IRAG1: variants seen among roughly 807,000 people sequenced by gnomAD.
IRAG1 encodes inositol 1,4,5-triphosphate receptor associated 1.
Under a neutral mutation model 106.2 loss-of-function variants are expected in IRAG1, and 62 were observed. The ratio of observed to expected loss-of-function variants is 0.58; its 90% CI spans 0.48 to 0.72. IRAG1 has a LOEUF of 0.72. Among genes scored for constraint, IRAG1 ranks in the 30% least tolerant of loss-of-function variants. IRAG1 has a pLI of 0.00. For missense variants in IRAG1, 1,064 were observed against 1,140.7 expected (o/e 0.93, Z 0.97); for synonymous variants, 462 against 443.9 (o/e 1.04, Z -0.51).
intron 1 of IRAG1, among the ~76,000 whole-genome samples, chr11:10,690,871 C>T (rs772554925): frequency 1.3e-5 from 2 of 152,190 alleles, no homozygotes; most frequent in Non-Finnish European, 2.9e-5. Context: ...ACATTCACTA[C>T]CTGAGAACTC....
intron 4 of IRAG1, among the ~76,000 whole-genome samples, 164 bp downstream of exon 4, chr11:10,631,827 A>G (rs546684181): frequency 2.0e-5 from 3 of 152,284 alleles, no homozygotes; most frequent in South Asian, 2.1e-4. Context: ...TGAATTAAAT[A>G]TGCTTCTCCT....
intron 3 of IRAG1, among the ~76,000 whole-genome samples, chr11:10,633,123 G>A (rs1276973825): frequency 1.4e-5 from 2 of 144,108 alleles, no homozygotes; most frequent in Non-Finnish European, 3.0e-5. Context: ...CGCCCAGGCT[G>A]GAGTGCAGTG....
chr11:10,611,121 T>G (rs1464071395), intron 10 of IRAG1, among the ~76,000 whole-genome samples: 1 of 152,228 alleles, frequency 6.6e-6, no homozygotes, highest in African/African-American at 2.4e-5. Context: ...TTAAATACTT[T>G]GAGCTTGCCA....
intron 18 of IRAG1, among the ~76,000 whole-genome samples, chr11:10,585,516 C>G (rs868857289): frequency 2.9e-4 from 44 of 151,440 alleles, no homozygotes; most frequent in African/African-American, 1.1e-3. Flanking sequence ...TCATATCTGT[C>G]AAACAGAGAA....
At chr11:10,580,726 C>A in intron 19 of IRAG1, 137 bp from the exon 20 acceptor site, 1 of 1,052,380 alleles carries the variant, frequency 9.5e-7, no homozygotes, top group East Asian at 2.5e-5. Flanking sequence ...CAGGAAAAAG[C>A]TGGGAAGCTC....
At chr11:10,645,550 G>A (rs960200382) in intron 2 of IRAG1, among the ~76,000 whole-genome samples, 14 of 152,182 alleles carry the variant, frequency 9.2e-5, no homozygotes, top group Non-Finnish European at 1.8e-4. Context: ...CTCTAAATTC[G>A]CACTTTCATG....
At chr11:10,669,675 C>G (rs1201951967) in intron 1 of IRAG1, among the ~76,000 whole-genome samples, 1 of 152,222 alleles carries the variant, frequency 6.6e-6, no homozygotes, top group African/African-American at 2.4e-5. Flanking sequence ...CAAAGTCCAT[C>G]CCTTCCTTGA....
At position 10,626,538 on chromosome 11, in the gene IRAG1, T is replaced by C. The variant is rs887434661; in HGVS notation, c.796A>G (p.Lys266Glu). 1.9e-6 allele frequency: 3 copies of C among 1,612,662 alleles called. No individual in the cohort carries two copies. In the Admixed American group the frequency reaches 5.0e-5, roughly 27 times the overall value. ...GGAGCCAGCCTGCCCTGAGACACTT[T>C]CCTCTGGTCATTCTGCTTCCTGTCA... The part of the protein sequence containing the change: ...LADRKQNDQR[K>E]VSQGRLAPRP... The change falls in exon 9 of 21, where the codon AAA (lysine) becomes GAA (glutamate). Residue 266 changes from lysine (K) to glutamate (E), a missense_variant. Physicochemically the swap from Lys to Glu is moderately conservative, Grantham distance 56. Transcript: ENST00000423302.
chr11:10,640,002 CT>C (rs1393220774), intron 2 of IRAG1, among the ~76,000 whole-genome samples: 1 of 152,184 alleles, frequency 6.6e-6, no homozygotes, highest in Non-Finnish European at 1.5e-5. Context: ...CAAAGGTGAA[CT>C]GAGCGGGCCT....
chr11:10,658,040 G>A (rs756367119), intron 1 of IRAG1, among the ~76,000 whole-genome samples: 4 of 152,200 alleles, frequency 2.6e-5, no homozygotes, highest in African/African-American at 7.2e-5. Flanking sequence ...GAAAGCAGGC[G>A]TCCTTCGGCA....
chr11:10,614,198 A>G lies in IRAG1; in HGVS notation c.1448-4347T>C, dbSNP rs192850566. Among the ~76,000 whole-genome samples the G allele has an allele frequency of 2.5e-3, 377 of 152,180 alleles. 1 individual carries two copies. The highest frequency in any genetic ancestry group is 0.017 in the Middle Eastern group (5 of 294). ...TTCTGACCCACCCTAGCCCTTCCCC[A>G]AGGGGCTCTGTATGATGTGCCACAC... On this transcript the variant is annotated intron_variant, in intron 10 of 20. Coordinates refer to ENST00000423302, the MANE Select transcript of IRAG1 (RefSeq NM_130385.4).
intron 15 of IRAG1, among the ~76,000 whole-genome samples, chr11:10,599,259 T>C (rs559611062): frequency 1.8e-3 from 269 of 152,336 alleles, no homozygotes; most frequent in African/African-American, 6.3e-3. Flanking sequence ...GTGTGCCCTT[T>C]ACCTCTATAT....
At chr11:10,666,225 A>G (rs1430238562) in intron 1 of IRAG1, among the ~76,000 whole-genome samples, 2 of 152,248 alleles carry the variant, frequency 1.3e-5, no homozygotes, top group Admixed American at 6.5e-5. Context: ...CAGGTGCTCT[A>G]CCTGACTCTT....
intron 4 of IRAG1, 33 bp from the exon 5 acceptor site, chr11:10,629,744 A>C: frequency 6.2e-7 from 1 of 1,602,236 alleles, no homozygotes; most frequent in Non-Finnish European, 8.5e-7. Flanking sequence ...GGTGAGAGCC[A>C]CTGCATCCGT....
rs200983820 is a variant in IRAG1, at chr11:10,608,871, GT to G, written c.1571+856del. ...TTATTTTTAAAATCTTGTCTCTTGT[GT>G]TTTTGGTGCCATATCTAAAAAACCC... On this transcript the variant is annotated intron_variant, in intron 11 of 20. Coordinates refer to ENST00000423302, the MANE Select transcript of IRAG1 (RefSeq NM_130385.4). 8.1e-3 allele frequency among the ~76,000 whole-genome samples: 1,232 copies of G among 152,144 alleles called. 11 individuals carry two copies. The highest frequency in any genetic ancestry group is 0.021 in the Middle Eastern group (6 of 292).
intron 4 of IRAG1, among the ~76,000 whole-genome samples, chr11:10,631,369 GCTCT>G (rs1450838560): frequency 6.6e-6 from 1 of 152,126 alleles, no homozygotes; most frequent in Non-Finnish European, 1.5e-5. Flanking sequence ...TATCTGTCCA[GCTCT>G]CTAAGGCACA....
intron 1 of IRAG1, among the ~76,000 whole-genome samples, chr11:10,676,899 TC>T (rs1860725896): frequency 6.6e-6 from 1 of 152,196 alleles, no homozygotes; most frequent in Non-Finnish European, 1.5e-5. Flanking sequence ...CGAGCGGTGT[TC>T]CTTGGCCTCT....
rs1461216316 is a variant in IRAG1, at chr11:10,628,505, T to C, written c.652+246A>G. 6.6e-6 allele frequency among the ~76,000 whole-genome samples: 1 copy of C among 152,200 alleles called. No homozygotes were observed. Among genetic ancestry groups the C allele is most frequent in the Non-Finnish European group, 1.5e-5 (1 of 68,018 alleles). On this transcript the variant is annotated intron_variant, in intron 6 of 20. Coordinates refer to ENST00000423302, the MANE Select transcript of IRAG1 (RefSeq NM_130385.4). The surrounding 1 kb of genome is among the most constrained non-coding windows in gnomAD (Gnocchi z 4.1). ...TCCTAGTCCCCTTTCCCACCCAGCC[T>C]TCCTGACCCTGGGGTACACCTGCCT...
At chr11:10,598,397 T>C (rs1381655379) in intron 15 of IRAG1, among the ~76,000 whole-genome samples, 1 of 152,246 alleles carries the variant, frequency 6.6e-6, no homozygotes, top group Admixed American at 6.5e-5. Flanking sequence ...TTTCAAGTTT[T>C]CCAGTCAGCC....
Sources: allele counts gnomAD v4.1 joint callset (sites outside exome capture counted in the v4.1 genomes callset), GRCh38; gene constraint gnomAD v4.1.1; non-coding constraint Gnocchi (gnomAD v3.1); transcripts MANE v1.5; gene names NCBI Gene and HGNC (gene_info 2026-07-23, HGNC 2026-07-21).